TAFA2: variants seen among roughly 807,000 people sequenced by gnomAD.
The protein encoded by TAFA2 is chemokine-like protein TAFA-2.
In TAFA2, 7 loss-of-function variants were observed where a neutral mutation model predicts 18.8. The observed-to-expected ratio is 0.37, with a 90% CI of 0.21 to 0.70. The LOEUF (loss-of-function observed/expected upper bound fraction) is 0.70. Among genes scored for constraint, TAFA2 ranks in the 30% least tolerant of loss-of-function variants. The pLI is 0.53. For missense variants in TAFA2, 122 were observed against 158.1 expected, an observed-to-expected ratio of 0.77 and a Z score of 1.23; for synonymous variants, 60 against 54.2, an observed-to-expected ratio of 1.11 and a Z score of -0.47.
At chr12:61,819,541 A>C (rs1022411608) in intron 2 of TAFA2, among the ~76,000 whole-genome samples, 2 of 152,170 alleles carry the variant, frequency 1.3e-5, no homozygotes, top group African/African-American at 4.8e-5. Context: ...ATGTGAAGTC[A>C]AAAACTTGTT....
At chr12:62,233,466 T>G (rs147540305) in intron 1 of TAFA2, among the ~76,000 whole-genome samples, 1 of 152,150 alleles carries the variant, frequency 6.6e-6, no homozygotes, top group Non-Finnish European at 1.5e-5. Flanking sequence ...ACCATTGGAA[T>G]GCACTTCATA....
At chr12:62,068,142 C>A (rs1882539926) in intron 1 of TAFA2, among the ~76,000 whole-genome samples, 1 of 152,006 alleles carries the variant, frequency 6.6e-6, no homozygotes, top group African/African-American at 2.4e-5. Flanking sequence ...TATTTACCTT[C>A]CTCACTTTGA....
At chr12:61,755,492 G>A (rs946626750) in intron 2 of TAFA2, among the ~76,000 whole-genome samples, 1 of 152,026 alleles carries the variant, frequency 6.6e-6, no homozygotes, top group Non-Finnish European at 1.5e-5. Context: ...GGAAGTGGAG[G>A]CAGACAGTGG....
intron 2 of TAFA2, among the ~76,000 whole-genome samples, chr12:61,864,729 C>T (rs1170735522): frequency 2.8e-5 from 4 of 145,066 alleles, no homozygotes; most frequent in African/African-American, 5.1e-5. Flanking sequence ...GCTGAGATCA[C>T]GCCACTGCAC....
intron 1 of TAFA2, among the ~76,000 whole-genome samples, chr12:61,943,443 A>C (rs1468544003): frequency 1.3e-5 from 2 of 148,678 alleles, no homozygotes; most frequent in African/African-American, 4.9e-5. Flanking sequence ...GATCAAATTC[A>C]CACATAACAA....
At chr12:62,008,483 G>A (rs1447423395) in intron 1 of TAFA2, among the ~76,000 whole-genome samples, 1 of 152,126 alleles carries the variant, frequency 6.6e-6, no homozygotes, top group Non-Finnish European at 1.5e-5. Context: ...GTATATGCTA[G>A]TACCTACCAT....
chr12:62,147,272 G>T (rs1407533881), intron 1 of TAFA2, among the ~76,000 whole-genome samples: 1 of 145,408 alleles, frequency 6.9e-6, no homozygotes, highest in Non-Finnish European at 1.5e-5. Flanking sequence ...ATATATGTGT[G>T]TGTGTATATA....
chr12:62,102,892 C>T (rs993256057), intron 1 of TAFA2, among the ~76,000 whole-genome samples: 1 of 152,156 alleles, frequency 6.6e-6, no homozygotes, highest in East Asian at 1.9e-4. Flanking sequence ...TGGTCCATCG[C>T]CTTTGTATCT....
chr12:62,054,460 G>A (rs904836165), intron 1 of TAFA2, among the ~76,000 whole-genome samples: 8 of 151,966 alleles, frequency 5.3e-5, no homozygotes, highest in Admixed American at 2.0e-4. Context: ...CAATATCTTC[G>A]GCCTGAAGAA....
intron 1 of TAFA2, among the ~76,000 whole-genome samples, chr12:61,887,460 T>A (rs1875434111): frequency 6.6e-6 from 1 of 151,742 alleles, no homozygotes; most frequent in Non-Finnish European, 1.5e-5. Flanking sequence ...ATACTTTAAG[T>A]TTTAGGGTAC....
At chr12:61,947,545 G>A (rs349873) in intron 1 of TAFA2, among the ~76,000 whole-genome samples, 1 of 151,998 alleles carries the variant, frequency 6.6e-6, no homozygotes, top group Non-Finnish European at 1.5e-5. Flanking sequence ...GAAAACTAAT[G>A]ATGTGTTCTG....
intron 1 of TAFA2, among the ~76,000 whole-genome samples, chr12:61,881,981 T>C (rs1019531759): frequency 6.6e-6 from 1 of 152,088 alleles, no homozygotes; most frequent in African/African-American, 2.4e-5. Flanking sequence ...ATCTTCTCTG[T>C]GCTTCTTATT....
intron 2 of TAFA2, among the ~76,000 whole-genome samples, chr12:61,764,946 G>C (rs763547602): frequency 6.6e-6 from 1 of 152,076 alleles, no homozygotes; most frequent in African/African-American, 2.4e-5. Flanking sequence ...CCACGAGAGA[G>C]ATCTAGTTCA....
rs1003954039 is a variant in TAFA2, at chr12:61,805,663, C to A, written c.107-50639G>T. On this transcript the variant is annotated intron_variant, in intron 2 of 4. Transcript: ENST00000416284. ...CCCCAAACAATCCTCTTTTGAATTT[C>A]CAGAATGAATATATACCTGCAGAAA... 7.9e-5 allele frequency among the ~76,000 whole-genome samples: 12 copies of A among 152,090 alleles called. 1 individual carries two copies. The highest frequency in any genetic ancestry group is 5.9e-4 in the Admixed American group (9 of 15,248).
intron 2 of TAFA2, among the ~76,000 whole-genome samples, chr12:61,763,720 G>A (rs926404205): frequency 2.6e-5 from 4 of 151,766 alleles, no homozygotes; most frequent in Admixed American, 6.6e-5. Flanking sequence ...AGAAAGCTTC[G>A]CGCATGCCTC....
chr12:62,038,880 T>A (rs1277663738), intron 1 of TAFA2, among the ~76,000 whole-genome samples: 1 of 152,204 alleles, frequency 6.6e-6, no homozygotes, highest in Non-Finnish European at 1.5e-5. Flanking sequence ...TTATACATGA[T>A]AGTCATAAAA....
intron 1 of TAFA2, among the ~76,000 whole-genome samples, chr12:62,165,524 T>C (rs752454011): frequency 6.6e-6 from 1 of 152,090 alleles, no homozygotes; most frequent in Non-Finnish European, 1.5e-5. Flanking sequence ...ACTACCTAGA[T>C]GTTGTGATAT....
chr12:62,068,700 C>T (rs139610605), intron 1 of TAFA2, among the ~76,000 whole-genome samples: 4 of 152,204 alleles, frequency 2.6e-5, no homozygotes, highest in African/African-American at 9.6e-5. Flanking sequence ...TAGAAGATTT[C>T]TCCTTTACCA....
intron 1 of TAFA2, among the ~76,000 whole-genome samples, chr12:62,170,244 A>C (rs2062468235): frequency 6.6e-6 from 1 of 152,206 alleles, no homozygotes; most frequent in Non-Finnish European, 1.5e-5. Context: ...GTCCAGTGTT[A>C]TCATAATAAT....
Sources: allele counts gnomAD v4.1 joint callset (sites outside exome capture counted in the v4.1 genomes callset), GRCh38; gene constraint gnomAD v4.1.1; transcripts MANE v1.5; gene names NCBI Gene and HGNC (gene_info 2026-07-23, HGNC 2026-07-21).